NPAS4: variants seen among roughly 807,000 people sequenced by gnomAD.
NPAS4 encodes the protein neuronal PAS domain protein 4.
NPAS4 carries 10 observed loss-of-function variants against 64.0 expected under a neutral mutation model. That is an observed-to-expected ratio of 0.16 (90% CI 0.10 to 0.26). NPAS4 has a LOEUF of 0.26. Among genes scored for constraint, NPAS4 ranks in the 10% least tolerant of loss-of-function variants. The pLI, the probability that NPAS4 is intolerant of heterozygous loss-of-function variation, is 1.00. For synonymous variants in NPAS4, 441 were observed against 411.7 expected, an observed-to-expected ratio of 1.07 and a Z score of -0.86; for missense variants, 886 against 992.6, an observed-to-expected ratio of 0.89 and a Z score of 1.44.
At chr11:66,425,641 T>A (rs144544569) in intron 7 of NPAS4, among the ~76,000 whole-genome samples, 2 of 152,300 alleles carry the variant, frequency 1.3e-5, no homozygotes, top group African/African-American at 4.8e-5. Flanking sequence ...GAAGAGGGAC[T>A]AGAGCTCTAT....
intron 5 of NPAS4, 68 bp downstream of exon 5, chr11:66,423,300 A>G: frequency 2.8e-6 from 3 of 1,085,602 alleles, no homozygotes; most frequent in Non-Finnish European, 4.2e-6. Context: ...CAGACAAAGA[A>G]TGATCTGTAG....
rs749039442 is a variant in NPAS4, at chr11:66,422,677, G to T, written c.434G>T (p.Arg145Leu). The T allele has an allele frequency of 3.1e-6, 5 of 1,613,248 alleles. No individual in the cohort carries two copies. Among genetic ancestry groups the T allele is most frequent in the East Asian group, 2.2e-5 (1 of 44,882 alleles). The stretch of plus-strand genomic sequence containing the variant: ...GTTTTTCTCTTCATCTATCTAGATC[G>T]CCTCTTCCGCTGCCGCTTCAACACC... ...LTLPSALDTDRLFRCRFNTSK... is the reference protein window; with the variant it reads ...LTLPSALDTDLLFRCRFNTSK... The change falls in exon 4 of 8, where the codon CGC becomes CTC. Residue 145 changes from arginine (R) to leucine (L), a missense_variant. Arg to Leu is a moderately radical substitution (Grantham distance 102). This residue lies in a region of NPAS4 where 820 missense variants were observed against 855.5 expected (regional missense o/e 0.96). Transcript: ENST00000311034.
rs1856753684 is a variant in NPAS4 at position 66,422,113 on chromosome 11, C to T, written c.176-7C>T. The T allele has an allele frequency of 1.2e-6, 2 of 1,613,440 alleles. No homozygotes were observed. The highest frequency in any genetic ancestry group is 1.7e-6 in the Non-Finnish European group (2 of 1,179,860). On this transcript the variant is annotated splice_polypyrimidine_tract_variant and splice_region_variant and intron_variant, in intron 1 of 7. Coordinates refer to ENST00000311034, the MANE Select transcript of NPAS4 (RefSeq NM_178864.4). ...CTCCTGACGCACTACGTCTTCTCGC[C>T]CTACAGGCACTCCTCTGGCGGGCCC...
In NPAS4 at chr11:66,424,266, T is replaced by C. The variant is rs771484633; in HGVS notation, c.1376T>C (p.Leu459Pro). 2 of 1,614,002 alleles carry C rather than the reference T, an allele frequency of 1.2e-6. No individual in the cohort carries two copies. The highest frequency in any genetic ancestry group is 2.7e-5 in the African/African-American group (2 of 74,912). Residue 459 changes from leucine to proline, a missense_variant, in exon 7 of 8, where the codon CTG becomes CCG. Coordinates refer to ENST00000311034, the MANE Select transcript of NPAS4 (RefSeq NM_178864.4). The part of the protein sequence containing the change: ...PTPSSTLQEQ[L>P]TPSTATFSDQ... ...CCATCCAGCACTCTTCAAGAACAGC[T>C]GACTCCAAGCACTGCGACCTTCTCT...
the NPAS4 span, chr11:66,409,886 T>G: frequency 6.6e-6 from 1 of 152,310 alleles, no homozygotes; most frequent in Non-Finnish European, 1.5e-5. Context: ...GCGGACTTTT[T>G]GGAAAAGCTT....
chr11:66,410,864 T>C, the NPAS4 span: 1 of 152,336 alleles, frequency 6.6e-6, no homozygotes, highest in African/African-American at 2.4e-5. Flanking sequence ...AGACTGAAGC[T>C]AAGAAGTGCT....
chr11:66,420,347 C>T (rs1856721185), upstream of NPAS4, among the ~76,000 whole-genome samples: 1 of 152,246 alleles, frequency 6.6e-6, no homozygotes, highest in South Asian at 2.1e-4. Context: ...CCACCGGACT[C>T]CCTTTCCACC....
chr11:66,410,672 CG>C, the NPAS4 span: 1 of 152,332 alleles, frequency 6.6e-6, no homozygotes, highest in South Asian at 2.1e-4. Flanking sequence ...AAGTGCTGGC[CG>C]TGTGTCACTG....
At chr11:66,416,482 G>A (rs1240179908), upstream of NPAS4, among the ~76,000 whole-genome samples, 1 of 152,204 alleles carries the variant, frequency 6.6e-6, no homozygotes, top group African/African-American at 2.4e-5. Context: ...TTTGGAGGAG[G>A]CCTTGGAGAC....
At chr11:66,423,300 AT>A (rs1428844151) in intron 5 of NPAS4, 68 bp downstream of exon 5, 2 of 1,085,484 alleles carry the variant, frequency 1.8e-6, no homozygotes, top group Non-Finnish European at 2.8e-6. Flanking sequence ...CAGACAAAGA[AT>A]GATCTGTAGT....
chr11:66,420,159 C>G (rs1167992391), upstream of NPAS4, among the ~76,000 whole-genome samples: 1 of 152,232 alleles, frequency 6.6e-6, no homozygotes, highest in African/African-American at 2.4e-5. Context: ...GGAAGGGATG[C>G]CTAAGTGCAG....
upstream of NPAS4, chr11:66,420,893 G>A: frequency 2.6e-6 from 1 of 386,232 alleles, no homozygotes. Context: ...AAGCCGGGCG[G>A]GAGGAGGAGC....
the NPAS4 span, among the ~76,000 whole-genome samples, chr11:66,412,801 A>G: frequency 1.3e-5 from 2 of 152,294 alleles, no homozygotes; most frequent in African/African-American, 4.8e-5. Context: ...GACTCAGCCC[A>G]GATTCTCCTC....
intron 2 of NPAS4, 75 bp from the exon 3 acceptor site, chr11:66,422,376 C>A: frequency 6.8e-7 from 1 of 1,473,776 alleles, no homozygotes; most frequent in Non-Finnish European, 9.5e-7. Context: ...AGGTTATACC[C>A]TACAAGATAC....
intron 5 of NPAS4, 37 bp from the exon 6 acceptor site, chr11:66,423,541 G>C: frequency 6.2e-7 from 1 of 1,612,058 alleles, no homozygotes; most frequent in Non-Finnish European, 8.5e-7. Flanking sequence ...AGAATTGCCT[G>C]GTGGACATCC....
At chr11:66,420,790 A>G (rs1183990164), upstream of NPAS4, among the ~76,000 whole-genome samples, 1 of 152,162 alleles carries the variant, frequency 6.6e-6, no homozygotes, top group Non-Finnish European at 1.5e-5. Flanking sequence ...CTCTCCGCTC[A>G]GCTCCCGCCA....
At chr11:66,425,364 T>C (rs1843448799) in intron 7 of NPAS4, 94 bp downstream of exon 7, 4 of 639,552 alleles carry the variant, frequency 6.3e-6, no homozygotes, top group Non-Finnish European at 1.0e-5. Context: ...TCTCTGTACA[T>C]TGATTTTATT....
the NPAS4 span, among the ~76,000 whole-genome samples, chr11:66,411,998 G>A: frequency 6.6e-6 from 1 of 152,206 alleles, no homozygotes; most frequent in South Asian, 2.1e-4. Context: ...GTGTGGGTAG[G>A]TGCCTCATCT....
chr11:66,413,702 C>T, the NPAS4 span, among the ~76,000 whole-genome samples: 14 of 152,234 alleles, frequency 9.2e-5, no homozygotes, highest in African/African-American at 3.4e-4. Flanking sequence ...CCAGCACAGC[C>T]TGGCCCAGTC....
Sources: allele counts gnomAD v4.1 joint callset (sites outside exome capture counted in the v4.1 genomes callset), GRCh38; gene constraint gnomAD v4.1.1; regional missense constraint gnomAD v4.1.1; transcripts MANE v1.5; gene names NCBI Gene and HGNC (gene_info 2026-07-23, HGNC 2026-07-21).